ATF7IP: variants seen among roughly 807,000 people sequenced by gnomAD.
The protein encoded by ATF7IP is activating transcription factor 7-interacting protein 1.
Under a neutral mutation model 106.4 loss-of-function variants are expected in ATF7IP, and 23 were observed. That is an observed-to-expected ratio of 0.22 (90% confidence interval 0.16 to 0.31). The LOEUF (loss-of-function observed/expected upper bound fraction) is 0.31, where lower values mean the gene tolerates loss of function less well. Among genes scored for constraint, ATF7IP ranks in the 10% least tolerant of loss-of-function variants. The probability of loss-of-function intolerance (pLI) is 1.00; values close to 1 mark genes in which losing one functional copy is unlikely to be tolerated. For missense variants in ATF7IP, 1,334 were observed against 1,524.3 expected, an observed-to-expected ratio of 0.88 and a Z score of 2.08; for synonymous variants, 542 against 539.0, an observed-to-expected ratio of 1.01 and a Z score of -0.08.
intron 1 of ATF7IP, among the ~76,000 whole-genome samples, chr12:14,403,039 G>T (rs1591797600): frequency 6.6e-6 from 1 of 152,130 alleles, no homozygotes; most frequent in East Asian, 1.9e-4. Context: ...TATTACTATG[G>T]TGTTTTTTTG....
intron 5 of ATF7IP, among the ~76,000 whole-genome samples, chr12:14,444,549 T>G (rs910969345): frequency 6.6e-6 from 1 of 152,146 alleles, no homozygotes; most frequent in Non-Finnish European, 1.5e-5. Flanking sequence ...TCTCAGAATA[T>G]CTACCAAAAT....
intron 11 of ATF7IP, among the ~76,000 whole-genome samples, chr12:14,476,912 C>T (rs575146235): frequency 3.9e-5 from 6 of 152,160 alleles, no homozygotes; most frequent in African/African-American, 1.4e-4. Flanking sequence ...TATAAAGTTC[C>T]ATGGTTAAGT....
At position 14,498,630 on chromosome 12, in the gene ATF7IP, G is replaced by A. The variant is rs1221513399; in HGVS notation, c.*557G>A. On this transcript the variant is annotated 3_prime_UTR_variant, in exon 15 of 15. Coordinates refer to ENST00000261168, the MANE Select transcript of ATF7IP (RefSeq NM_018179.5). The stretch of plus-strand genomic sequence containing the variant: ...TTGTTTCTTTTGTCTGGTCTCCTGA[G>A]TTGTTAATTAGGTGAAAAAAGATCT... The A allele has an allele frequency of 6.6e-6, 1 of 152,632 alleles. No individual in the cohort carries two copies. The highest frequency in any genetic ancestry group is 1.5e-5 in the Non-Finnish European group (1 of 68,076). The allele number at this position is 152,632 out of a possible 1,614,324, so 9.5% of individuals were successfully genotyped here.
At chr12:14,437,632 G>A (rs1233947404) in intron 4 of ATF7IP, among the ~76,000 whole-genome samples, 1 of 152,172 alleles carries the variant, frequency 6.6e-6, no homozygotes, top group East Asian at 1.9e-4. Context: ...TTTTTAGTAT[G>A]TATTACCCTC....
At chr12:14,391,845 C>T (rs1403172057) in intron 1 of ATF7IP, among the ~76,000 whole-genome samples, 2 of 152,190 alleles carry the variant, frequency 1.3e-5, no homozygotes, top group Non-Finnish European at 2.9e-5. Context: ...CCTCAGCCTC[C>T]TGAGTAGCTG....
intron 13 of ATF7IP, among the ~76,000 whole-genome samples, chr12:14,492,490 C>G (rs1944861696): frequency 6.7e-6 from 1 of 149,938 alleles, no homozygotes; most frequent in African/African-American, 2.4e-5. Context: ...GGTTCTTGGT[C>G]TGTAAACTGG....
At position 14,424,576 on chromosome 12, in the gene ATF7IP, T is replaced by C; in HGVS notation, c.661T>C (p.Ser221Pro). The C allele has an allele frequency of 6.2e-7, 1 of 1,614,174 alleles. No individual in the cohort carries two copies. Among genetic ancestry groups the C allele is most frequent in the Non-Finnish European group, 8.5e-7 (1 of 1,180,038 alleles). Residue 221 changes from serine to proline, a missense_variant, in exon 2 of 15, where the codon TCT (serine) becomes CCT (proline). Coordinates refer to ENST00000261168, the MANE Select transcript of ATF7IP (RefSeq NM_018179.5). ...PGEPVPVEPI[S>P]GDCAADDIAS... Reference sequence around the variant, plus strand: ...TGAACCGGTCCCTGTTGAACCCATTTCTGGTGATTGTGCCGCTGATGATAT... The same window carrying C: ...TGAACCGGTCCCTGTTGAACCCATTCCTGGTGATTGTGCCGCTGATGATAT...
chr12:14,408,049 C>G (rs1158999744), intron 1 of ATF7IP, among the ~76,000 whole-genome samples: 2 of 151,778 alleles, frequency 1.3e-5, no homozygotes, highest in East Asian at 3.9e-4. Flanking sequence ...TGTATTAGGA[C>G]TGTGATTCAA....
intron 13 of ATF7IP, among the ~76,000 whole-genome samples, chr12:14,494,590 TTATATA>T (rs1944950527): frequency 1.3e-5 from 2 of 148,274 alleles, no homozygotes. Flanking sequence ...TAGTGAATGT[TTATATA>T]TATAAAGGGG....
In ATF7IP at chr12:14,501,423, C is replaced by G. The variant is rs1945156670; in HGVS notation, c.*3350C>G. ...TTGCATTCTGTGAGAGTAATTTTCA[C>G]TCTGTCTTAAGTGTGAGTAAGCCTC... On this transcript the variant is annotated 3_prime_UTR_variant, in exon 15 of 15. Transcript: ENST00000261168. 1 of 152,162 alleles carries G rather than the reference C, an allele frequency of 6.6e-6. No individual in the cohort carries two copies. Among genetic ancestry groups the G allele is most frequent in the South Asian group, 2.1e-4 (1 of 4,832 alleles). 9.4% of individuals were successfully genotyped at this position (152,162 alleles called of 1,614,324 possible).
intron 8 of ATF7IP, among the ~76,000 whole-genome samples, chr12:14,458,504 G>T (rs1434935009): frequency 6.6e-6 from 1 of 152,176 alleles, no homozygotes; most frequent in African/African-American, 2.4e-5. Flanking sequence ...CCACACCAAA[G>T]AACTTTTCTA....
chr12:14,473,070 A>G (rs796563514), intron 10 of ATF7IP, among the ~76,000 whole-genome samples: 6 of 152,236 alleles, frequency 3.9e-5, no homozygotes, highest in African/African-American at 9.6e-5. Context: ...TAATCTCTAC[A>G]TTTTGGTCGG....
At chr12:14,427,836 A>T (rs1941935297) in intron 2 of ATF7IP, among the ~76,000 whole-genome samples, 1 of 152,176 alleles carries the variant, frequency 6.6e-6, no homozygotes. Flanking sequence ...TCCTGCTGCG[A>T]GTCACCATCA....
At chr12:14,495,926 TG>T (rs1440487482) in intron 13 of ATF7IP, among the ~76,000 whole-genome samples, 1 of 152,224 alleles carries the variant, frequency 6.6e-6, no homozygotes, top group Non-Finnish European at 1.5e-5. Flanking sequence ...GACCTCCTGT[TG>T]CTTGTGTCTC....
intron 1 of ATF7IP, among the ~76,000 whole-genome samples, chr12:14,389,405 G>A (rs970651295): frequency 2.0e-5 from 3 of 152,122 alleles, no homozygotes; most frequent in African/African-American, 7.2e-5. Flanking sequence ...AGTGTTTTGG[G>A]TATAGTCTGG....
Position 14,496,315 on chromosome 12 carries a change from T to A in ATF7IP, c.3365T>A (p.Val1122Glu), listed in dbSNP as rs370384639. The A allele has an allele frequency of 2.5e-6, 4 of 1,613,702 alleles. No individual in the cohort carries two copies. The African/African-American group carries it at 5.3e-5, about 22-fold the overall frequency. ...TLGSTGPQLTVHHRPPQVHTE... is the reference protein window; with the variant it reads ...TLGSTGPQLTEHHRPPQVHTE... ...GGATCAACAGGACCTCAGCTCACAG[T>A]GCATCACCGACCACCACAAGTGCAT... Residue 1122 changes from valine (V) to glutamate (E), a missense_variant, in exon 14 of 15, where the codon GTG becomes GAG. Around this residue, in one of 10 missense-constraint regions of ATF7IP, gnomAD observed 370 missense variants for 401.2 expected, o/e 0.92. Coordinates refer to ENST00000261168, the MANE Select transcript of ATF7IP (RefSeq NM_018179.5).
chr12:14,399,523 G>C (rs1196489084), intron 1 of ATF7IP, among the ~76,000 whole-genome samples: 1 of 151,234 alleles, frequency 6.6e-6, no homozygotes, highest in African/African-American at 2.4e-5. Context: ...AGTTTGTTTT[G>C]GGATTCAATA....
chr12:14,489,595 C>T lies in ATF7IP; in HGVS notation c.3281-6636C>T, dbSNP rs576651078. Among the ~76,000 whole-genome samples the T allele has an allele frequency of 2.0e-4, 31 of 152,224 alleles. No individual in the cohort carries two copies. The South Asian group carries it at 4.2e-3, about 20-fold the overall frequency. ...GGGAGAAACAGCACCATATATTGGACGCTGATTCAGAGCATACATGGCCTT... is the reference window on the plus strand; with the variant it reads ...GGGAGAAACAGCACCATATATTGGATGCTGATTCAGAGCATACATGGCCTT... On this transcript the variant is annotated intron_variant, in intron 13 of 14. Coordinates refer to ENST00000261168, the MANE Select transcript of ATF7IP (RefSeq NM_018179.5).
Position 14,401,653 on chromosome 12 carries a change from T to C in ATF7IP, c.-7-22256T>C, listed in dbSNP as rs575288563. Among the ~76,000 whole-genome samples, 14 of 152,146 alleles carry C rather than the reference T, an allele frequency of 9.2e-5. No homozygotes were observed. The South Asian group carries it at 1.0e-3, about 11-fold the overall frequency. ...TCACATCTGAGAGGGCAAACATTTT[T>C]CATTACTTTTGGTTTTCAATTTTTT... On this transcript the variant is annotated intron_variant, in intron 1 of 14. Transcript: ENST00000261168.
Sources: gnomAD v4.1 joint callset for allele counts (sites outside exome capture counted in the v4.1 genomes callset) on GRCh38, gnomAD v4.1.1 for gene constraint, gnomAD v4.1.1 regional missense constraint, MANE v1.5 for transcripts, NCBI Gene and HGNC (gene_info 2026-07-23, HGNC 2026-07-21) for gene names.